BMPR1A: variants seen among roughly 807,000 people sequenced by gnomAD.
BMPR1A encodes the protein bone morphogenetic protein receptor type 1A, also known as bone morphogenetic protein receptor type-1A.
BMPR1A carries 7 observed loss-of-function variants against 66.0 expected under a neutral mutation model. The ratio of observed to expected loss-of-function variants is 0.11; its 90% CI spans 0.06 to 0.20. BMPR1A has a LOEUF of 0.20. BMPR1A is among the 10% of genes least tolerant of loss of function. The probability of loss-of-function intolerance (pLI) is 1.00; values close to 1 mark genes in which losing one functional copy is unlikely to be tolerated. For missense variants in BMPR1A, 408 were observed against 669.1 expected, an observed-to-expected ratio of 0.61 and a Z score of 4.31; for synonymous variants, 200 against 229.7, an observed-to-expected ratio of 0.87 and a Z score of 1.17.
At chr10:86,756,410 A>T (rs1189555476), upstream of BMPR1A, 4 of 151,732 alleles carry the variant, frequency 2.6e-5, no homozygotes, top group African/African-American at 9.7e-5. Context: ...CCTCCCCGGC[A>T]ACTGGGCGCC....
chr10:86,867,491 C>A (rs2133271688), intron 2 of BMPR1A, among the ~76,000 whole-genome samples: 1 of 152,300 alleles, frequency 6.6e-6, no homozygotes, highest in South Asian at 2.1e-4. Context: ...AGAAGAGTGA[C>A]ACCTAGGTCT....
intron 7 of BMPR1A, among the ~76,000 whole-genome samples, chr10:86,911,154 CAAAAAAAAAA>C (rs35449069): frequency 1.2e-5 from 1 of 82,868 alleles, no homozygotes. Context: ...GACCCTGTCT[CAAAAAAAAAA>C]AAAAAAAAAA....
intron 1 of BMPR1A, among the ~76,000 whole-genome samples, chr10:86,762,685 C>G (rs1841087803): frequency 6.6e-6 from 1 of 151,622 alleles, no homozygotes; most frequent in Non-Finnish European, 1.5e-5. Flanking sequence ...AACTTAAGGC[C>G]TGGGTAGAGA....
At chr10:86,914,385 T>A (rs1336920074) in intron 8 of BMPR1A, among the ~76,000 whole-genome samples, 3 of 152,194 alleles carry the variant, frequency 2.0e-5, no homozygotes, top group African/African-American at 7.2e-5. Context: ...ATCATTTTTT[T>A]AATGATAAAT....
chr10:86,873,313 A>G (rs778420234), intron 2 of BMPR1A, among the ~76,000 whole-genome samples: 1 of 152,094 alleles, frequency 6.6e-6, no homozygotes, highest in Admixed American at 6.6e-5. Flanking sequence ...GGCCAGTTGC[A>G]GTGGTTCACA....
intron 3 of BMPR1A, among the ~76,000 whole-genome samples, chr10:86,886,850 AGATG>A (rs1843073763): frequency 4.3e-5 from 2 of 46,140 alleles, no homozygotes; most frequent in Non-Finnish European, 8.8e-5. Context: ...TTTTTTTTTG[AGATG>A]GATTTTCGCT....
Position 86,756,795 on chromosome 10 carries a change from G to A in BMPR1A, c.-392G>A, listed in dbSNP as rs978795747. 3 of 151,370 alleles carry A rather than the reference G, an allele frequency of 2.0e-5. No homozygotes were observed. The highest frequency in any genetic ancestry group is 4.4e-5 in the Non-Finnish European group (3 of 67,762). 9.4% of individuals were successfully genotyped at this position (151,370 alleles called of 1,614,324 possible). On this transcript the variant is annotated 5_prime_UTR_variant, in exon 1 of 13. Coordinates refer to ENST00000372037, the MANE Select transcript of BMPR1A (RefSeq NM_004329.3). The stretch of plus-strand genomic sequence containing the variant: ...GAAGATCGCACGGCCCGATCGAGGG[G>A]CGACCGGGTCGGGGCCGCTGCACGC...
At position 86,918,671 on chromosome 10, in the gene BMPR1A, T is replaced by C. The variant is rs1388105880; in HGVS notation, c.869-501T>C. ...CGGAGTCTCATTCTGTCGCTCAGGC[T>C]GGAGTGCAGTGGCGCCATCTTGGCT... On this transcript the variant is annotated intron_variant, in intron 9 of 12. Transcript: ENST00000372037. Among the ~76,000 whole-genome samples, 7 of 151,584 alleles carry C rather than the reference T, an allele frequency of 4.6e-5. No individual in the cohort carries two copies. In the South Asian group the frequency reaches 1.5e-3, roughly 32 times the overall value.
At chr10:86,789,549 C>A (rs1841569232) in intron 1 of BMPR1A, among the ~76,000 whole-genome samples, 1 of 151,746 alleles carries the variant, frequency 6.6e-6, no homozygotes, top group African/African-American at 2.4e-5. Flanking sequence ...GCCATCTCTG[C>A]TAGAAATACA....
chr10:86,775,737 C>T (rs1471769372), intron 1 of BMPR1A, among the ~76,000 whole-genome samples: 1 of 152,032 alleles, frequency 6.6e-6, no homozygotes, highest in Non-Finnish European at 1.5e-5. Context: ...TCCCTACTCT[C>T]TTTGCTCTCC....
chr10:86,818,042 G>A (rs947538400), intron 1 of BMPR1A, among the ~76,000 whole-genome samples: 5 of 152,040 alleles, frequency 3.3e-5, no homozygotes, highest in South Asian at 2.1e-4. Context: ...TTTTCGAGAC[G>A]GAGTCTCACC....
At chr10:86,784,359 AC>A (rs1259533344) in intron 1 of BMPR1A, among the ~76,000 whole-genome samples, 1 of 152,100 alleles carries the variant, frequency 6.6e-6, no homozygotes, top group Non-Finnish European at 1.5e-5. Flanking sequence ...TCAGATTGTT[AC>A]ATGATTTTTG....
chr10:86,765,696 T>A (rs1180581552), intron 1 of BMPR1A, among the ~76,000 whole-genome samples: 1 of 152,142 alleles, frequency 6.6e-6, no homozygotes, highest in African/African-American at 2.4e-5. Context: ...CGTATTACCA[T>A]AGAACTGTGT....
intron 2 of BMPR1A, among the ~76,000 whole-genome samples, chr10:86,864,776 C>G (rs1013031592): frequency 5.9e-5 from 9 of 152,108 alleles, no homozygotes; most frequent in Non-Finnish European, 8.8e-5. Flanking sequence ...CTTGTAGTTT[C>G]TCAATTCATC....
rs11202261 is a variant in BMPR1A at position 86,921,241 on chromosome 10, T to G, written c.1167-279T>G. ...ACCTGACCTGAACGGATGTGAGGTG[T>G]GTATTGCCCTTATCCAGTTGAGGAG... On this transcript the variant is annotated intron_variant, in intron 10 of 12. Coordinates refer to ENST00000372037, the MANE Select transcript of BMPR1A (RefSeq NM_004329.3). 0.038 allele frequency among the ~76,000 whole-genome samples: 5,851 copies of G among 152,198 alleles called. 394 individuals carry two copies. The highest frequency in any genetic ancestry group is 0.13 in the African/African-American group (5,505 of 41,500).
chr10:86,833,071 C>G (rs999129849), intron 1 of BMPR1A, among the ~76,000 whole-genome samples: 1 of 152,134 alleles, frequency 6.6e-6, no homozygotes, highest in Non-Finnish European at 1.5e-5. Context: ...GATTGGGCTA[C>G]TGCACTCTAG....
intron 1 of BMPR1A, among the ~76,000 whole-genome samples, chr10:86,814,040 A>G (rs912598986): frequency 1.3e-5 from 2 of 152,040 alleles, no homozygotes; most frequent in Admixed American, 1.3e-4. Flanking sequence ...TTTCCCTTAT[A>G]AATTACTTGA....
chr10:86,883,871 CT>C (rs111255462), intron 3 of BMPR1A, among the ~76,000 whole-genome samples: 116,171 of 135,266 alleles, frequency 0.86, 49,952 homozygotes, highest in East Asian at 0.95. Context: ...GAGCGTATGA[CT>C]TTTTTTTTTT....
chr10:86,874,082 A>T (rs1452067927), intron 2 of BMPR1A, among the ~76,000 whole-genome samples: 8 of 152,240 alleles, frequency 5.3e-5, no homozygotes, highest in Admixed American at 5.2e-4. Flanking sequence ...GTCATAAATA[A>T]GCAAGATCTT....
Sources: gnomAD v4.1 joint callset for allele counts (sites outside exome capture counted in the v4.1 genomes callset) on GRCh38, gnomAD v4.1.1 for gene constraint, MANE v1.5 for transcripts, NCBI Gene and HGNC (gene_info 2026-07-23, HGNC 2026-07-21) for gene names.